The following HTR2C variants were observed in gnomAD, a reference collection of about 807,000 sequenced individuals.
The protein encoded by HTR2C is 5-hydroxytryptamine receptor 2C.
A neutral mutation model predicts 21.0 loss-of-function variants in HTR2C; 5 were observed. The observed-to-expected ratio is 0.24, with a 90% CI of 0.12 to 0.50. HTR2C has a LOEUF of 0.50. Ranked by LOEUF, HTR2C falls within the 20% of genes least tolerant of loss-of-function variation. The pLI is 0.98. For missense variants in HTR2C, 271 were observed against 371.2 expected (o/e 0.73, Z 2.22); for synonymous variants, 150 against 145.3 (o/e 1.03, Z -0.23).
At chrX:114,750,223 G>C (rs1037435499) in intron 4 of HTR2C, among the ~76,000 whole-genome samples, 48 of 111,481 alleles carry the variant, frequency 4.3e-4, no homozygotes, top group African/African-American at 1.6e-3. Context: ...AGATGATAAA[G>C]AGTTTTGCTT....
At chrX:114,812,495 C>T (rs2070541987) in intron 4 of HTR2C, among the ~76,000 whole-genome samples, 2 of 110,464 alleles carry the variant, frequency 1.8e-5, no homozygotes, top group African/African-American at 6.6e-5. Context: ...TTTGGGAGGC[C>T]GAGGTGGGTG....
At chrX:114,689,208 G>GTGTATATA (rs1556414750) in intron 2 of HTR2C, among the ~76,000 whole-genome samples, 3 of 72,721 alleles carry the variant, frequency 4.1e-5, no homozygotes, top group East Asian at 9.1e-4. Flanking sequence ...GTATGTATGC[G>GTGTATATA]TATATATATA....
chrX:114,826,430 T>C (rs1048698903), intron 4 of HTR2C, among the ~76,000 whole-genome samples: 4 of 111,969 alleles, frequency 3.6e-5, no homozygotes, highest in African/African-American at 1.3e-4. Flanking sequence ...GCTGACCTCA[T>C]GTGACTGGTC....
rs781876919 is a variant in HTR2C at position 114,789,650 on chromosome X, G to A, written c.349+58043G>A. The stretch of plus-strand genomic sequence containing the variant: ...GAGCTTAGAACATAGAGACCATAGA[G>A]GTCACAAAAGGAATTATTGCTAGCA... On this transcript the variant is annotated intron_variant, in intron 4 of 5. Transcript: ENST00000276198. Among the ~76,000 whole-genome samples the A allele has an allele frequency of 9.0e-5, 10 of 111,259 alleles. No individual in the cohort carries two copies. In the South Asian group the frequency reaches 3.8e-3, roughly 42 times the overall value.
intron 4 of HTR2C, among the ~76,000 whole-genome samples, chrX:114,791,366 C>T (rs1218263299): frequency 3.6e-5 from 4 of 111,897 alleles, no homozygotes; most frequent in Admixed American, 2.9e-4. Flanking sequence ...ACAAAGCAGT[C>T]TATGCAAATT....
chrX:114,771,492 A>G (rs1295385541), intron 4 of HTR2C, among the ~76,000 whole-genome samples: 1 of 111,513 alleles, frequency 9.0e-6, no homozygotes, highest in Non-Finnish European at 1.9e-5. Context: ...CACACCTTCA[A>G]ATTTCAGAGA....
intron 4 of HTR2C, among the ~76,000 whole-genome samples, chrX:114,839,321 T>C (rs782362407): frequency 8.9e-6 from 1 of 112,289 alleles, no homozygotes; most frequent in Non-Finnish European, 1.9e-5. Context: ...TTTCCAACTT[T>C]CAAGACTTAT....
intron 4 of HTR2C, among the ~76,000 whole-genome samples, chrX:114,835,756 C>T (rs782386490): frequency 1.3e-3 from 143 of 112,048 alleles, no homozygotes; most frequent in Non-Finnish European, 2.2e-3. Context: ...TGAGGAACTG[C>T]GTTCCTTTTG....
chrX:114,706,686 T>A (rs1271122986), intron 2 of HTR2C, among the ~76,000 whole-genome samples: 3 of 107,632 alleles, frequency 2.8e-5, no homozygotes, highest in Non-Finnish European at 5.8e-5. Context: ...ATTGTACACA[T>A]GTACCCTAAA....
chrX:114,624,486 T>C (rs1209158333), intron 2 of HTR2C, among the ~76,000 whole-genome samples: 1 of 112,340 alleles, frequency 8.9e-6, no homozygotes, highest in African/African-American at 3.2e-5. Context: ...GAAATTGATT[T>C]TGCTACTTGA....
intron 1 of HTR2C, among the ~76,000 whole-genome samples, chrX:114,594,750 C>T (rs1927765792): frequency 9.5e-6 from 1 of 105,496 alleles, no homozygotes; most frequent in African/African-American, 3.3e-5. Flanking sequence ...TGAGATTCAT[C>T]CCAATATCTA....
chrX:114,873,475 C>A (rs1164777555), intron 5 of HTR2C, among the ~76,000 whole-genome samples: 3 of 111,101 alleles, frequency 2.7e-5, no homozygotes, highest in African/African-American at 9.8e-5. Context: ...ATTATGTTAT[C>A]TTTTTCTCAT....
intron 2 of HTR2C, among the ~76,000 whole-genome samples, chrX:114,617,133 A>C (rs924593348): frequency 8.9e-6 from 1 of 112,367 alleles, no homozygotes; most frequent in Non-Finnish European, 1.9e-5. Flanking sequence ...AGGTTACCAA[A>C]TTACTTCAAG....
At chrX:114,809,001 A>G (rs1345596966) in intron 4 of HTR2C, among the ~76,000 whole-genome samples, 1 of 111,455 alleles carries the variant, frequency 9.0e-6, no homozygotes, top group African/African-American at 3.3e-5. Context: ...CTGCCTGGCT[A>G]CTGTCTATGT....
chrX:114,756,906 A>C (rs1371549708), intron 4 of HTR2C, among the ~76,000 whole-genome samples: 2 of 111,744 alleles, frequency 1.8e-5, no homozygotes, highest in Admixed American at 1.9e-4. Context: ...CTTATCTTTA[A>C]ATAAAAATTT....
intron 4 of HTR2C, among the ~76,000 whole-genome samples, chrX:114,820,405 T>C (rs1317363158): frequency 1.8e-5 from 2 of 109,928 alleles, no homozygotes; most frequent in Non-Finnish European, 3.8e-5. Context: ...TTTGAAAAAC[T>C]TTTAGGGAAA....
At chrX:114,645,306 GA>G (rs1226075402) in intron 2 of HTR2C, among the ~76,000 whole-genome samples, 3 of 110,288 alleles carry the variant, frequency 2.7e-5, no homozygotes, top group South Asian at 3.8e-4. Flanking sequence ...CTCACATAAG[GA>G]AAAAAAAGTG....
At chrX:114,728,996 A>C (rs1373589030) in intron 3 of HTR2C, among the ~76,000 whole-genome samples, 1 of 112,251 alleles carries the variant, frequency 8.9e-6, no homozygotes, top group Non-Finnish European at 1.9e-5. Context: ...TTAGTATTTG[A>C]GATAAATTCT....
chrX:114,774,284 G>A lies in HTR2C; in HGVS notation c.349+42677G>A, dbSNP rs192938416. Among the ~76,000 whole-genome samples the A allele has an allele frequency of 1.5e-4, 17 of 111,699 alleles. No individual in the cohort carries two copies. In the East Asian group the frequency reaches 3.7e-3, roughly 24 times the overall value. On this transcript the variant is annotated intron_variant, in intron 4 of 5. Coordinates refer to ENST00000276198, the MANE Select transcript of HTR2C (RefSeq NM_000868.4). ...ATAGGTGGTTAAGAAGTTCAGAGGA[G>A]GTACATGTCTCCCTAGTCAATTGGT...
Sources: gnomAD v4.1 joint callset for allele counts (sites outside exome capture counted in the v4.1 genomes callset) on GRCh38, gnomAD v4.1.1 for gene constraint, MANE v1.5 for transcripts, NCBI Gene and HGNC (gene_info 2026-07-23, HGNC 2026-07-21) for gene names.